The following SUGCT variants were observed in gnomAD, a reference collection of about 807,000 sequenced individuals.
SUGCT encodes the protein succinyl-CoA:glutarate-CoA transferase.
Under a neutral mutation model 55.0 loss-of-function variants are expected in SUGCT, and 41 were observed. The ratio of observed to expected loss-of-function variants is 0.74; its 90% CI spans 0.58 to 0.97. The LOEUF is 0.97. Among genes scored for constraint, SUGCT ranks in the 50% least tolerant of loss-of-function variants. The pLI is 0.00. For missense variants in SUGCT, 568 were observed against 547.8 expected, an observed-to-expected ratio of 1.04 and a Z score of -0.37; for synonymous variants, 187 against 200.4, an observed-to-expected ratio of 0.93 and a Z score of 0.56.
At chr7:40,351,942 C>A (rs1193334516) in intron 9 of SUGCT, among the ~76,000 whole-genome samples, 1 of 152,156 alleles carries the variant, frequency 6.6e-6, no homozygotes, top group African/African-American at 2.4e-5. Context: ...CAAGTTTCAC[C>A]TCCAGAAATT....
intron 6 of SUGCT, among the ~76,000 whole-genome samples, chr7:40,218,976 G>T (rs1016855537): frequency 6.6e-6 from 1 of 152,090 alleles, no homozygotes; most frequent in African/African-American, 2.4e-5. Context: ...ACATTCTTTC[G>T]CTCCTTGCAA....
chr7:40,520,758 C>G (rs1428299031), intron 12 of SUGCT, among the ~76,000 whole-genome samples: 1 of 152,088 alleles, frequency 6.6e-6, no homozygotes, highest in Non-Finnish European at 1.5e-5. Flanking sequence ...CTTGAATAAG[C>G]ATTTCAATTA....
intron 12 of SUGCT, among the ~76,000 whole-genome samples, chr7:40,588,934 C>T (rs891339865): frequency 2.6e-5 from 4 of 152,096 alleles, no homozygotes; most frequent in Non-Finnish European, 4.4e-5. Flanking sequence ...GCAGAGAAAA[C>T]TCATATCTGA....
At chr7:40,981,690 A>G in the SUGCT span, among the ~76,000 whole-genome samples, 1 of 152,224 alleles carries the variant, frequency 6.6e-6, no homozygotes, top group African/African-American at 2.4e-5. Context: ...CTAAATATCC[A>G]ATTTCATGGC....
At chr7:40,227,043 C>CTT (rs35073564) in intron 6 of SUGCT, among the ~76,000 whole-genome samples, 8,052 of 96,258 alleles carry the variant, frequency 0.084, 1,055 homozygotes, top group Non-Finnish European at 0.12. Flanking sequence ...TTTAATAGAT[C>CTT]TTTTTTTTTT....
rs550405437 is a variant in SUGCT, at chr7:40,425,566, T to C, written c.817-23721T>C. 8.5e-4 allele frequency among the ~76,000 whole-genome samples: 130 copies of C among 152,254 alleles called. 2 individuals carry two copies. The highest frequency in any genetic ancestry group is 3.0e-3 in the African/African-American group (123 of 41,564). ...ACCTGTTTCAGACACAATTAAGCTT[T>C]TTTGTTTTTTTAAAACTTATGAGAG... is the stretch of plus-strand genomic sequence containing the variant. On this transcript the variant is annotated intron_variant, in intron 9 of 13. Transcript: ENST00000335693.
chr7:40,703,101 G>GT (rs1785237831), intron 12 of SUGCT, among the ~76,000 whole-genome samples: 1 of 109,094 alleles, frequency 9.2e-6, no homozygotes, highest in Non-Finnish European at 1.7e-5. Flanking sequence ...TCTCACTCTT[G>GT]TTGCCCAGGC....
chr7:40,470,682 C>T (rs1192600967), intron 11 of SUGCT, among the ~76,000 whole-genome samples: 3 of 151,648 alleles, frequency 2.0e-5, no homozygotes, highest in Non-Finnish European at 4.4e-5. Flanking sequence ...GCTTATTCTC[C>T]TTTTCTCTAA....
At chr7:40,278,804 G>T (rs1792725131) in intron 8 of SUGCT, among the ~76,000 whole-genome samples, 1 of 147,622 alleles carries the variant, frequency 6.8e-6, no homozygotes, top group Non-Finnish European at 1.5e-5. Flanking sequence ...TAAGGTTTTA[G>T]CAGTTTTGGT....
At chr7:40,147,048 C>T (rs1788283024) in intron 1 of SUGCT, among the ~76,000 whole-genome samples, 1 of 97,202 alleles carries the variant, frequency 1.0e-5, no homozygotes, top group African/African-American at 7.1e-5. Flanking sequence ...CTCTTTCTCT[C>T]TCTTTCTTCT....
chr7:40,176,537 G>A (rs1258953086), intron 1 of SUGCT, among the ~76,000 whole-genome samples: 1 of 152,010 alleles, frequency 6.6e-6, no homozygotes, highest in Non-Finnish European at 1.5e-5. Flanking sequence ...AACCCCTTAT[G>A]CCTTTCTGCC....
intron 12 of SUGCT, among the ~76,000 whole-genome samples, chr7:40,525,861 G>A (rs781119474): frequency 6.6e-6 from 1 of 152,176 alleles, no homozygotes; most frequent in Non-Finnish European, 1.5e-5. Flanking sequence ...AATTACATAA[G>A]GGAGCAGAGG....
At chr7:40,586,271 T>G (rs558214065) in intron 12 of SUGCT, among the ~76,000 whole-genome samples, 1 of 152,334 alleles carries the variant, frequency 6.6e-6, no homozygotes, top group Admixed American at 6.5e-5. Flanking sequence ...AAATATTCTA[T>G]ATCCTCATTG....
At chr7:40,849,202 T>C (rs1028465294) in intron 13 of SUGCT, among the ~76,000 whole-genome samples, 4 of 152,192 alleles carry the variant, frequency 2.6e-5, no homozygotes, top group Admixed American at 2.0e-4. Flanking sequence ...TTCTTGATAC[T>C]TTAAGAAGTT....
rs979169204 is a variant in SUGCT at position 40,264,674 on chromosome 7, C to T, written c.577-9839C>T. Among the ~76,000 whole-genome samples the T allele has an allele frequency of 3.3e-5, 5 of 152,190 alleles. No individual in the cohort carries two copies. In the East Asian group the frequency reaches 9.6e-4, roughly 29 times the overall value. The stretch of plus-strand genomic sequence containing the variant: ...AGTGGTTTTAACAATGAAAATACTA[C>T]CTTCATATTAAGAAACTTAATTTCC... On this transcript the variant is annotated intron_variant, in intron 7 of 13. Coordinates refer to ENST00000335693, the MANE Select transcript of SUGCT (RefSeq NM_001193313.2).
At chr7:40,787,465 T>A (rs1790068852) in intron 13 of SUGCT, among the ~76,000 whole-genome samples, 1 of 48,032 alleles carries the variant, frequency 2.1e-5, no homozygotes, top group South Asian at 1.2e-3. Context: ...GGCCAAGATC[T>A]CAGAGAAAAG....
chr7:40,982,667 AT>A, the SUGCT span, among the ~76,000 whole-genome samples: 1 of 150,100 alleles, frequency 6.7e-6, no homozygotes. Flanking sequence ...TTTTTTTTTT[AT>A]TTTTTAGATA....
intron 12 of SUGCT, among the ~76,000 whole-genome samples, chr7:40,536,530 T>C (rs935915914): frequency 3.9e-5 from 6 of 152,230 alleles, no homozygotes; most frequent in Non-Finnish European, 4.4e-5. Context: ...TTGGAATGGC[T>C]GTTTACAATT....
the SUGCT span, among the ~76,000 whole-genome samples, chr7:41,023,193 G>A: frequency 6.6e-6 from 1 of 152,194 alleles, no homozygotes; most frequent in Non-Finnish European, 1.5e-5. Context: ...GGGTAAGGAT[G>A]AAGTGGAACA....
Sources: allele counts gnomAD v4.1 joint callset (sites outside exome capture counted in the v4.1 genomes callset), GRCh38; gene constraint gnomAD v4.1.1; transcripts MANE v1.5; gene names NCBI Gene and HGNC (gene_info 2026-07-23, HGNC 2026-07-21).